KPNA3: variants seen among roughly 807,000 people sequenced by gnomAD.
KPNA3 encodes karyopherin subunit alpha 3.
In KPNA3, 13 loss-of-function variants were observed where a neutral mutation model predicts 73.8. That is an observed-to-expected ratio of 0.18 (90% CI 0.11 to 0.28). The LOEUF (loss-of-function observed/expected upper bound fraction) is 0.28. Ranked by LOEUF, KPNA3 falls within the 10% of genes least tolerant of loss-of-function variation. The pLI, the probability that KPNA3 is intolerant of heterozygous loss-of-function variation, is 1.00. For missense variants in KPNA3, 360 were observed against 618.1 expected, an observed-to-expected ratio of 0.58 and a Z score of 4.43; for synonymous variants, 186 against 206.9, an observed-to-expected ratio of 0.90 and a Z score of 0.87.
At chr13:49,758,984 T>C (rs1250151705) in intron 1 of KPNA3, among the ~76,000 whole-genome samples, 4 of 152,126 alleles carry the variant, frequency 2.6e-5, no homozygotes, top group African/African-American at 7.2e-5. Context: ...TGCAATATCT[T>C]AACATACCAA....
intron 2 of KPNA3, among the ~76,000 whole-genome samples, chr13:49,734,954 T>TAG (rs10675449): frequency 0.1 from 14,880 of 145,794 alleles, 801 homozygotes; most frequent in South Asian, 0.17. Context: ...GAGAGATAGA[T>TAG]AGAGAGAGAG....
chr13:49,742,287 C>T (rs1954581068), intron 2 of KPNA3, among the ~76,000 whole-genome samples: 1 of 152,024 alleles, frequency 6.6e-6, no homozygotes, highest in African/African-American at 2.4e-5. Flanking sequence ...CCTTAGACAC[C>T]CCTTTCTTTT....
At chr13:49,735,028 A>G (rs901780571) in intron 2 of KPNA3, among the ~76,000 whole-genome samples, 1 of 151,862 alleles carries the variant, frequency 6.6e-6, no homozygotes, top group Non-Finnish European at 1.5e-5. Context: ...TTTGTAAATT[A>G]TTTCTTTTAT....
chr13:49,721,156 C>T (rs1048765515), intron 9 of KPNA3, among the ~76,000 whole-genome samples: 3 of 151,736 alleles, frequency 2.0e-5, no homozygotes, highest in African/African-American at 7.3e-5. Flanking sequence ...GAGGCAGAGG[C>T]TGCAGTGAGC....
chr13:49,774,068 G>A (rs1271048176), intron 1 of KPNA3, among the ~76,000 whole-genome samples: 4 of 148,072 alleles, frequency 2.7e-5, no homozygotes, highest in Non-Finnish European at 4.5e-5. Context: ...ACTAAACCCA[G>A]GCTAATTTTT....
chr13:49,710,775 G>T, intron 11 of KPNA3, 116 bp downstream of exon 11: 3 of 919,608 alleles, frequency 3.3e-6, no homozygotes, highest in Non-Finnish European at 4.9e-6. Flanking sequence ...TCAGGGACTA[G>T]CAGAAGAAAT....
chr13:49,776,590 ATAGT>A (rs1223758309), intron 1 of KPNA3, among the ~76,000 whole-genome samples: 7 of 152,320 alleles, frequency 4.6e-5, no homozygotes, highest in Admixed American at 1.3e-4. Flanking sequence ...CCTTTAAAAA[ATAGT>A]TAATTTTTAA....
chr13:49,785,811 T>C (rs1199734390), intron 1 of KPNA3, among the ~76,000 whole-genome samples: 1 of 152,004 alleles, frequency 6.6e-6, no homozygotes, highest in African/African-American at 2.4e-5. Context: ...CACTTTACAC[T>C]CTCCAAACTT....
intron 2 of KPNA3, among the ~76,000 whole-genome samples, chr13:49,746,654 TA>T (rs1223699747): frequency 6.6e-6 from 1 of 152,214 alleles, no homozygotes; most frequent in Non-Finnish European, 1.5e-5. Context: ...CAAGGATGTG[TA>T]ACTTTTACAT....
In KPNA3 at chr13:49,771,478, G is replaced by C. The variant is rs148737575; in HGVS notation, c.69+20960C>G. ...AAATTGTTATTTTGTTTTTTAAGAC[G>C]GGGTCTCACTCTGTCACCCCCGCTG... On this transcript the variant is annotated intron_variant, in intron 1 of 16. Coordinates refer to ENST00000261667, the MANE Select transcript of KPNA3 (RefSeq NM_002267.4). Among the ~76,000 whole-genome samples, 1,046 of 151,962 alleles carry C rather than the reference G, an allele frequency of 6.9e-3. 8 individuals carry two copies. The highest frequency in any genetic ancestry group is 0.021 in the African/African-American group (879 of 41,436).
intron 6 of KPNA3, among the ~76,000 whole-genome samples, chr13:49,730,519 CAAAAAAAAAAAAAAAAAAAAAAAAAAAA>C (rs55725741): frequency 3.7e-5 from 1 of 27,280 alleles, no homozygotes; most frequent in Non-Finnish European, 6.3e-5. Flanking sequence ...GACTCTGTCT[CAAAAAAAAAAAAAAAAAAAAAAAAAAAA>C]AAAAAAAAGA....
At chr13:49,757,187 G>C (rs1215177068) in intron 1 of KPNA3, among the ~76,000 whole-genome samples, 1 of 151,770 alleles carries the variant, frequency 6.6e-6, no homozygotes, top group African/African-American at 2.4e-5. Context: ...TGGTAAACTA[G>C]ACCTCATCAA....
chr13:49,748,202 A>G (rs2137570377), intron 1 of KPNA3, among the ~76,000 whole-genome samples: 1 of 152,284 alleles, frequency 6.6e-6, no homozygotes, highest in South Asian at 2.1e-4. Context: ...TCTGCAATCA[A>G]TGAATTATAT....
chr13:49,714,860 CT>C (rs1954291336), intron 10 of KPNA3, among the ~76,000 whole-genome samples: 1 of 151,962 alleles, frequency 6.6e-6, no homozygotes, highest in Admixed American at 6.5e-5. Context: ...ACCAATATCA[CT>C]TACGTGAATG....
intron 1 of KPNA3, among the ~76,000 whole-genome samples, chr13:49,760,708 C>T (rs1186972278): frequency 1.3e-5 from 2 of 152,252 alleles, no homozygotes; most frequent in East Asian, 1.9e-4. Context: ...GAAAGGAAAA[C>T]CCGGGCGGTC....
At chr13:49,708,562 G>A (rs1042560322) in intron 12 of KPNA3, among the ~76,000 whole-genome samples, 1 of 152,278 alleles carries the variant, frequency 6.6e-6, no homozygotes, top group East Asian at 1.9e-4. Context: ...AACTCAAATA[G>A]GTATTTGTAT....
chr13:49,741,940 T>C (rs888795352), intron 2 of KPNA3, among the ~76,000 whole-genome samples: 1 of 152,260 alleles, frequency 6.6e-6, no homozygotes, highest in Non-Finnish European at 1.5e-5. Context: ...GCTGTGTTTT[T>C]GGGGTCATAT....
intron 1 of KPNA3, among the ~76,000 whole-genome samples, chr13:49,765,263 A>G (rs1954799702): frequency 6.6e-6 from 1 of 152,230 alleles, no homozygotes; most frequent in Non-Finnish European, 1.5e-5. Flanking sequence ...GGGAAAATCT[A>G]GTTAATCTTT....
chr13:49,714,723 T>C (rs1256822131), intron 10 of KPNA3, among the ~76,000 whole-genome samples: 1 of 152,028 alleles, frequency 6.6e-6, no homozygotes, highest in Non-Finnish European at 1.5e-5. Context: ...ACAATAGAAG[T>C]ATAAAACTTA....
Sources: gnomAD v4.1 joint callset for allele counts (sites outside exome capture counted in the v4.1 genomes callset) on GRCh38, gnomAD v4.1.1 for gene constraint, MANE v1.5 for transcripts, NCBI Gene and HGNC (gene_info 2026-07-23, HGNC 2026-07-21) for gene names.